MRTFA: variants seen among roughly 807,000 people sequenced by gnomAD.
MRTFA encodes the protein myocardin-related transcription factor A.
MRTFA carries 20 observed loss-of-function variants against 83.5 expected under a neutral mutation model. The observed-to-expected ratio is 0.24, with a 90% CI of 0.17 to 0.35. MRTFA has a LOEUF of 0.35. MRTFA is among the 10% of genes least tolerant of loss of function. The pLI is 1.00. For missense variants in MRTFA, 1,200 were observed against 1,224.7 expected (o/e 0.98, Z 0.30); for synonymous variants, 659 against 541.2 (o/e 1.22, Z -3.02).
At chr22:40,439,380 C>A (rs2053230926) in intron 4 of MRTFA, among the ~76,000 whole-genome samples, 1 of 152,014 alleles carries the variant, frequency 6.6e-6, no homozygotes, top group African/African-American at 2.4e-5. Flanking sequence ...TGGCAGGCAC[C>A]TGTAATCCCA....
intron 2 of MRTFA, among the ~76,000 whole-genome samples, chr22:40,560,623 C>G (rs1326734434): frequency 6.6e-6 from 1 of 152,128 alleles, no homozygotes; most frequent in East Asian, 1.9e-4. Flanking sequence ...TAATTTATAA[C>G]TCTACTGAGT....
intron 8 of MRTFA, 64 bp downstream of exon 8, chr22:40,424,142 A>G: frequency 1.4e-6 from 2 of 1,468,768 alleles, no homozygotes; most frequent in Non-Finnish European, 9.0e-7. Context: ...CCCAGGAGAG[A>G]GACCTTACTC....
intron 2 of MRTFA, among the ~76,000 whole-genome samples, chr22:40,582,685 C>A (rs1047315414): frequency 2.0e-5 from 3 of 152,052 alleles, no homozygotes; most frequent in Non-Finnish European, 4.4e-5. Flanking sequence ...CACACACACA[C>A]ACACACACAC....
intron 11 of MRTFA, among the ~76,000 whole-genome samples, 176 bp from the exon 12 acceptor site, chr22:40,419,560 T>G (rs936742925): frequency 3.3e-5 from 5 of 152,170 alleles, no homozygotes; most frequent in Non-Finnish European, 7.4e-5. Context: ...CATCCTCTCT[T>G]TCATTGTTCT....
In MRTFA at chr22:40,617,168, AGGAGGGAAGGAGGGAAGGAGGGAGGGAG is replaced by A. The variant is rs1335965039; in HGVS notation, c.-84+19282_-84+19309del. Among the ~76,000 whole-genome samples, 460 of 80,888 alleles carry A rather than the reference AGGAGGGAAGGAGGGAAGGAGGGAGGGAG, an allele frequency of 5.7e-3. 6 individuals are homozygous for A. The highest frequency in any genetic ancestry group is 0.022 in the Middle Eastern group (3 of 138). The allele number at this position is 80,888 out of a possible 152,430, so 53.1% of individuals were successfully genotyped here. ...AAGGAAGGAAGGAAGGAAGGAGGGA[AGGAGGGAAGGAGGGAAGGAGGGAGGGAG>A]GGAGGGAGGGAGGGAGGGAGGGAGG... On this transcript the variant is annotated intron_variant, in intron 1 of 14. Transcript: ENST00000355630.
intron 3 of MRTFA, among the ~76,000 whole-genome samples, chr22:40,546,619 A>T (rs2055368604): frequency 6.6e-6 from 1 of 152,226 alleles, no homozygotes; most frequent in Non-Finnish European, 1.5e-5. Flanking sequence ...CTGGGATATG[A>T]GAAAGTAGAG....
intron 2 of MRTFA, among the ~76,000 whole-genome samples, chr22:40,581,864 GTA>G (rs1446169446): frequency 6.6e-6 from 1 of 152,042 alleles, no homozygotes; most frequent in Non-Finnish European, 1.5e-5. Context: ...AAAAAGACAG[GTA>G]TCTTACCTAT....
intron 3 of MRTFA, among the ~76,000 whole-genome samples, chr22:40,514,026 C>G (rs2054714457): frequency 6.6e-6 from 1 of 151,890 alleles, no homozygotes; most frequent in Non-Finnish European, 1.5e-5. Flanking sequence ...CCGAGGCAGG[C>G]AGATCACCTG....
At chr22:40,449,274 GAAAAAAAAAAA>G (rs35140973) in intron 4 of MRTFA, among the ~76,000 whole-genome samples, 1 of 88,008 alleles carries the variant, frequency 1.1e-5, no homozygotes, top group African/African-American at 4.7e-5. Flanking sequence ...CTCCAAACGA[GAAAAAAAAAAA>G]AAAAAAGAAA....
At position 40,541,138 on chromosome 22, in the gene MRTFA, G is replaced by A. The variant is rs190345314; in HGVS notation, c.241+10968C>T. On this transcript the variant is annotated intron_variant, in intron 3 of 14. Transcript: ENST00000355630. ...CGAAAATGCTGAAATTATAGGGAAT[G>A]AATAAGAGAAATCAGAAAAACAGAG... Among the ~76,000 whole-genome samples the A allele has an allele frequency of 4.8e-3, 729 of 152,242 alleles. 6 individuals carry two copies. Among genetic ancestry groups the A allele is most frequent in the Non-Finnish European group, 7.5e-3 (510 of 68,008 alleles).
chr22:40,551,373 T>C (rs1470474370), intron 3 of MRTFA, among the ~76,000 whole-genome samples: 1 of 152,100 alleles, frequency 6.6e-6, no homozygotes, highest in African/African-American at 2.4e-5. Flanking sequence ...ATTTGTTTGT[T>C]TGTTTGTTTA....
intron 4 of MRTFA, among the ~76,000 whole-genome samples, chr22:40,453,359 C>A (rs979500144): frequency 1.3e-5 from 2 of 152,324 alleles, no homozygotes; most frequent in African/African-American, 2.4e-5. Flanking sequence ...TATCCTGCAA[C>A]TGAGCTCTGA....
intron 1 of MRTFA, among the ~76,000 whole-genome samples, chr22:40,635,890 T>C (rs970268826): frequency 1.3e-5 from 2 of 152,172 alleles, no homozygotes; most frequent in Non-Finnish European, 2.9e-5. Context: ...CCCTAGGCAC[T>C]ATGGAGTATC....
rs183223296 is a variant in MRTFA at position 40,459,165 on chromosome 22, G to A, written c.307+4056C>T. On this transcript the variant is annotated intron_variant, in intron 4 of 14. Coordinates refer to ENST00000355630, the MANE Select transcript of MRTFA (RefSeq NM_020831.6). The stretch of plus-strand genomic sequence containing the variant: ...ACGGGGTGTTGGGGCGGCAGAGGAT[G>A]TTGGAGATTACAAAAGGAGTCGGGG... Among the ~76,000 whole-genome samples the A allele has an allele frequency of 8.6e-4, 125 of 146,002 alleles. 1 individual carries two copies. In the Middle Eastern group the frequency reaches 0.021, roughly 25 times the overall value.
At chr22:40,532,722 A>C (rs1040112602) in intron 3 of MRTFA, among the ~76,000 whole-genome samples, 1 of 152,178 alleles carries the variant, frequency 6.6e-6, no homozygotes, top group Non-Finnish European at 1.5e-5. Context: ...AAACAGTGAG[A>C]CCAATTCTGC....
chr22:40,608,217 G>A (rs996346229), intron 1 of MRTFA, among the ~76,000 whole-genome samples: 5 of 152,110 alleles, frequency 3.3e-5, no homozygotes, highest in Non-Finnish European at 7.4e-5. Context: ...GTTTCACCAT[G>A]TTGGCCAGGC....
chr22:40,584,730 CAAA>C (rs58633243), intron 2 of MRTFA, among the ~76,000 whole-genome samples: 1 of 56,982 alleles, frequency 1.8e-5, no homozygotes, highest in Non-Finnish European at 3.6e-5. Context: ...GACTCTGTCT[CAAA>C]AAAAAAAAAA....
chr22:40,423,382 A>C (rs1007650304), intron 9 of MRTFA, among the ~76,000 whole-genome samples, 154 bp downstream of exon 9: 39 of 152,308 alleles, frequency 2.6e-4, no homozygotes, highest in Non-Finnish European at 4.6e-4. Flanking sequence ...CAGTGTCATG[A>C]TGGACAGCAG....
chr22:40,602,037 T>G (rs954821258), intron 1 of MRTFA, among the ~76,000 whole-genome samples: 2 of 152,196 alleles, frequency 1.3e-5, no homozygotes, highest in African/African-American at 4.8e-5. Context: ...ATGCAAATTT[T>G]TCTCTCCTGT....
Sources: allele counts gnomAD v4.1 joint callset (sites outside exome capture counted in the v4.1 genomes callset), GRCh38; gene constraint gnomAD v4.1.1; transcripts MANE v1.5; gene names NCBI Gene and HGNC (gene_info 2026-07-23, HGNC 2026-07-21).